The following PELI2 variants were observed in gnomAD, a reference collection of about 807,000 sequenced individuals.
The protein encoded by PELI2 is E3 ubiquitin-protein ligase pellino homolog 2.
PELI2 carries 23 observed loss-of-function variants against 42.3 expected under a neutral mutation model. The observed-to-expected ratio is 0.54, with a 90% CI of 0.39 to 0.77. PELI2 has a LOEUF of 0.77. Among genes scored for constraint, PELI2 ranks in the 30% least tolerant of loss-of-function variants. The probability of loss-of-function intolerance (pLI) is 0.00; values close to 1 mark genes in which losing one functional copy is unlikely to be tolerated. For synonymous variants in PELI2, 245 were observed against 212.2 expected (o/e 1.15, Z -1.34); for missense variants, 463 against 553.2 (o/e 0.84, Z 1.64).
intron 1 of PELI2, among the ~76,000 whole-genome samples, chr14:56,140,023 T>C (rs1883843443): frequency 6.9e-6 from 1 of 145,322 alleles, no homozygotes; most frequent in Non-Finnish European, 1.5e-5. Flanking sequence ...CTTTCCTCCT[T>C]CCCCCTTCTC....
intron 2 of PELI2, among the ~76,000 whole-genome samples, chr14:56,253,908 C>T (rs1026158109): frequency 1.3e-5 from 2 of 152,118 alleles, no homozygotes; most frequent in Non-Finnish European, 2.9e-5. Flanking sequence ...GCAAAAAGAA[C>T]AAAGCTAGAG....
intron 1 of PELI2, among the ~76,000 whole-genome samples, chr14:56,120,895 T>C (rs1883036286): frequency 6.6e-6 from 1 of 152,186 alleles, no homozygotes; most frequent in African/African-American, 2.4e-5. Flanking sequence ...AATACTTGAA[T>C]TGTGGTATTT....
At position 56,219,054 on chromosome 14, in the gene PELI2, A is replaced by G. The variant is rs1437483591; in HGVS notation, c.207+40590A>G. Among the ~76,000 whole-genome samples, 1 of 152,108 alleles carries G rather than the reference A, an allele frequency of 6.6e-6. No individual in the cohort carries two copies. Among genetic ancestry groups the G allele is most frequent in the Non-Finnish European group, 1.5e-5 (1 of 68,024 alleles). ...ACCAGATCCATTTCCTGTTTTTTTC[A>G]CATTTCTTTTTCTAAGAATAAACAG... is the stretch of plus-strand genomic sequence containing the variant. On this transcript the variant is annotated intron_variant, in intron 2 of 5. Transcript: ENST00000267460. This position sits in a 1 kb window ranked among gnomAD's most constrained non-coding sequence, Gnocchi z 4.1.
chr14:56,282,491 T>TG (rs1889513194), intron 3 of PELI2, among the ~76,000 whole-genome samples: 1 of 152,112 alleles, frequency 6.6e-6, no homozygotes, highest in African/African-American at 2.4e-5. Context: ...ATGTAGCAGT[T>TG]GCCTTTGTGG....
At chr14:56,163,577 C>A (rs4901640) in intron 1 of PELI2, among the ~76,000 whole-genome samples, 60,499 of 151,600 alleles carry the variant, frequency 0.4, 12,865 homozygotes, top group South Asian at 0.52. Flanking sequence ...GCTCTGTATA[C>A]TTTTTAGGAT....
rs1472541125 is a variant in PELI2, at chr14:56,164,786, T to C, written c.78-13549T>C. ...TTGTAAGTTGTGTGTATCTAGGAAT[T>C]TTTCCATTTCTTCTAGATTTTCTAA... On this transcript the variant is annotated intron_variant, in intron 1 of 5. Transcript: ENST00000267460. 3.3e-5 allele frequency among the ~76,000 whole-genome samples: 5 copies of C among 152,270 alleles called. No individual in the cohort carries two copies. In the East Asian group the frequency reaches 7.7e-4, roughly 23 times the overall value.
chr14:56,162,974 T>C (rs1442351466), intron 1 of PELI2, among the ~76,000 whole-genome samples: 1 of 152,144 alleles, frequency 6.6e-6, no homozygotes, highest in Non-Finnish European at 1.5e-5. Flanking sequence ...TTGAGCTCCT[T>C]ATATATTCTG....
intron 2 of PELI2, among the ~76,000 whole-genome samples, chr14:56,275,053 T>C (rs1187051275): frequency 1.5e-5 from 2 of 130,972 alleles, no homozygotes; most frequent in Non-Finnish European, 3.2e-5. Context: ...CTTGTATCTG[T>C]AGCAGTTCAT....
intron 1 of PELI2, among the ~76,000 whole-genome samples, chr14:56,173,383 T>C (rs1885250379): frequency 6.6e-6 from 1 of 152,168 alleles, no homozygotes; most frequent in Non-Finnish European, 1.5e-5. Flanking sequence ...TAGGCATTCA[T>C]ATTTTTGTAA....
At chr14:56,124,378 AG>A (rs1346849396) in intron 1 of PELI2, among the ~76,000 whole-genome samples, 1 of 152,180 alleles carries the variant, frequency 6.6e-6, no homozygotes, top group East Asian at 1.9e-4. Context: ...TGGGAGAGAA[AG>A]GGGTGGAGTT....
intron 2 of PELI2, among the ~76,000 whole-genome samples, chr14:56,257,588 A>C (rs1037706078): frequency 1.3e-5 from 2 of 152,198 alleles, no homozygotes; most frequent in South Asian, 2.1e-4. Context: ...AATGTATGCG[A>C]AAAAGAATTC....
chr14:56,158,481 A>G (rs1779918751), intron 1 of PELI2, among the ~76,000 whole-genome samples: 1 of 152,144 alleles, frequency 6.6e-6, no homozygotes, highest in Admixed American at 6.5e-5. Context: ...AACTGGGACT[A>G]CAAGTGCATG....
intron 2 of PELI2, among the ~76,000 whole-genome samples, chr14:56,242,900 G>C (rs1173341512): frequency 6.6e-6 from 1 of 152,196 alleles, no homozygotes; most frequent in South Asian, 2.1e-4. Flanking sequence ...ATTGGGTACA[G>C]TATACACTGC....
intron 1 of PELI2, among the ~76,000 whole-genome samples, chr14:56,174,934 C>T (rs895894442): frequency 1.1e-3 from 170 of 152,274 alleles, no homozygotes; most frequent in African/African-American, 4.0e-3. Flanking sequence ...ACTGTGTAGT[C>T]CTCCTTGCCT....
At chr14:56,161,298 GT>G (rs762106360) in intron 1 of PELI2, among the ~76,000 whole-genome samples, 292 of 140,378 alleles carry the variant, frequency 2.1e-3, no homozygotes, top group African/African-American at 4.2e-3. Flanking sequence ...CTGTTCATCT[GT>G]TTTTTTTTTT....
intron 1 of PELI2, among the ~76,000 whole-genome samples, chr14:56,161,033 A>C (rs1366224889): frequency 2.0e-5 from 3 of 152,130 alleles, no homozygotes; most frequent in Admixed American, 6.6e-5. Flanking sequence ...AGAAATATGA[A>C]ACCTCTCAAC....
chr14:56,279,581 G>A (rs1214282618), intron 2 of PELI2, 95 bp from the exon 3 acceptor site: 16 of 650,462 alleles, frequency 2.5e-5, no homozygotes, highest in Non-Finnish European at 2.7e-6. Context: ...CTTGTGCTGG[G>A]CTTTGCCAGT....
chr14:56,272,527 TCTTCTGC>T (rs1467516119), intron 2 of PELI2, among the ~76,000 whole-genome samples: 1 of 152,228 alleles, frequency 6.6e-6, no homozygotes. Context: ...GTGATTTTCT[TCTTCTGC>T]CTTCCTAGTG....
At chr14:56,260,031 ATTAT>A (rs1258825903) in intron 2 of PELI2, among the ~76,000 whole-genome samples, 1 of 152,154 alleles carries the variant, frequency 6.6e-6, no homozygotes, top group Admixed American at 6.5e-5. Flanking sequence ...TTCACTTGAT[ATTAT>A]TTAGATACCA....
Sources: allele counts gnomAD v4.1 joint callset (sites outside exome capture counted in the v4.1 genomes callset), GRCh38; gene constraint gnomAD v4.1.1; non-coding constraint Gnocchi (gnomAD v3.1); transcripts MANE v1.5; gene names NCBI Gene and HGNC (gene_info 2026-07-23, HGNC 2026-07-21).